RASEF: variants seen among roughly 807,000 people sequenced by gnomAD.
RASEF encodes RAS and EF-hand domain containing.
In RASEF, 68 loss-of-function variants were observed where a neutral mutation model predicts 90.1. The ratio of observed to expected loss-of-function variants is 0.75; its 90% CI spans 0.62 to 0.92. The LOEUF is 0.92. Ranked by LOEUF, RASEF falls within the 40% of genes least tolerant of loss-of-function variation. The pLI is 0.00. For synonymous variants in RASEF, 331 were observed against 345.2 expected (o/e 0.96, Z 0.46); for missense variants, 949 against 937.2 (o/e 1.01, Z -0.16).
intron 2 of RASEF, among the ~76,000 whole-genome samples, chr9:83,023,945 C>T (rs1396432048): frequency 2.6e-5 from 4 of 152,172 alleles, no homozygotes; most frequent in African/African-American, 9.7e-5. Flanking sequence ...GTGCTTGCCC[C>T]AGCAATTTCC....
chr9:83,085,033 C>T, the RASEF span, among the ~76,000 whole-genome samples: 2 of 152,242 alleles, frequency 1.3e-5, no homozygotes, highest in East Asian at 1.9e-4. Context: ...AACCACAAAG[C>T]GGTCCTTTAT....
At chr9:83,145,438 G>A in the RASEF span, among the ~76,000 whole-genome samples, 7 of 151,948 alleles carry the variant, frequency 4.6e-5, no homozygotes, top group South Asian at 4.2e-4. Context: ...TAGCTCAAGA[G>A]ACCTTAGAGC....
the RASEF span, among the ~76,000 whole-genome samples, chr9:83,203,072 A>G: frequency 6.6e-6 from 1 of 152,196 alleles, no homozygotes; most frequent in African/African-American, 2.4e-5. Context: ...TATGGAATCT[A>G]TATATATAGA....
chr9:83,070,782 TTTTC>T, the RASEF span, among the ~76,000 whole-genome samples: 1 of 152,174 alleles, frequency 6.6e-6, no homozygotes, highest in African/African-American at 2.4e-5. Flanking sequence ...CTCTGTTTAA[TTTTC>T]TTTATTTTCT....
At chr9:83,083,952 T>C in the RASEF span, among the ~76,000 whole-genome samples, 1 of 152,174 alleles carries the variant, frequency 6.6e-6, no homozygotes. Context: ...TAGCATGTTA[T>C]TTTTACTAAC....
chr9:83,192,398 C>T, the RASEF span, among the ~76,000 whole-genome samples: 1 of 152,148 alleles, frequency 6.6e-6, no homozygotes, highest in African/African-American at 2.4e-5. Context: ...AGACTATGCC[C>T]TTTGCAAGAA....
chr9:83,029,327 T>C (rs1049076874), intron 1 of RASEF, among the ~76,000 whole-genome samples: 7 of 151,540 alleles, frequency 4.6e-5, no homozygotes, highest in African/African-American at 1.7e-4. Flanking sequence ...ACATTAACTC[T>C]GAAGCTTAGT....
At position 82,980,081 on chromosome 9, in the gene RASEF, T is replaced by A. The variant is rs1157748595; in HGVS notation, c.*2596A>T. The A allele has an allele frequency of 2.0e-5, 3 of 152,272 alleles. No individual in the cohort carries two copies. In the East Asian group the frequency reaches 5.8e-4, roughly 29 times the overall value. The allele number at this position is 152,272 out of a possible 1,614,324, so 9.4% of individuals were successfully genotyped here. A position where few individuals can be genotyped will look rare whatever the true frequency, so the allele number is the denominator to read the frequency against. On this transcript the variant is annotated 3_prime_UTR_variant, in exon 17 of 17. Coordinates refer to ENST00000376447, the MANE Select transcript of RASEF (RefSeq NM_152573.4). ...AAAAATATCTCCTTATCCAACATTA[T>A]TTTCCACAATGAAATTAAAATATTT...
At chr9:83,080,240 G>A in the RASEF span, among the ~76,000 whole-genome samples, 1 of 152,172 alleles carries the variant, frequency 6.6e-6, no homozygotes, top group Non-Finnish European at 1.5e-5. Context: ...TAGAAATGAG[G>A]GGAAGTAGAT....
At chr9:83,057,561 A>G (rs565524854) in intron 1 of RASEF, among the ~76,000 whole-genome samples, 11 of 152,288 alleles carry the variant, frequency 7.2e-5, no homozygotes, top group African/African-American at 2.6e-4. Context: ...CACAGATGTT[A>G]GGATCCCGGT....
chr9:83,199,181 A>AT, the RASEF span, among the ~76,000 whole-genome samples: 1 of 148,548 alleles, frequency 6.7e-6, no homozygotes, highest in Non-Finnish European at 1.5e-5. Context: ...AGAAGGTTAC[A>AT]TTTTTTCTCA....
the RASEF span, among the ~76,000 whole-genome samples, chr9:83,122,211 C>T: frequency 2.0e-5 from 3 of 152,246 alleles, no homozygotes; most frequent in East Asian, 5.8e-4. Flanking sequence ...TGCAAAGGGC[C>T]CCAGCATGGA....
At chr9:83,160,275 A>G in the RASEF span, among the ~76,000 whole-genome samples, 1 of 152,174 alleles carries the variant, frequency 6.6e-6, no homozygotes, top group African/African-American at 2.4e-5. Context: ...GACTTGTTGA[A>G]TGACTTTGAC....
chr9:83,089,631 G>T, the RASEF span, among the ~76,000 whole-genome samples: 1 of 152,088 alleles, frequency 6.6e-6, no homozygotes, highest in African/African-American at 2.4e-5. Flanking sequence ...ATTTTGATAA[G>T]AAATCATTTG....
At chr9:83,066,107 C>G (rs1032725231), upstream of RASEF, among the ~76,000 whole-genome samples, 2 of 152,212 alleles carry the variant, frequency 1.3e-5, no homozygotes, top group African/African-American at 4.8e-5. Context: ...GCTCTGACTA[C>G]ATAGATCAAA....
At chr9:83,070,685 T>C in the RASEF span, among the ~76,000 whole-genome samples, 1 of 152,170 alleles carries the variant, frequency 6.6e-6, no homozygotes, top group South Asian at 2.1e-4. Flanking sequence ...TCTGTAGATA[T>C]CATGATTGTG....
the RASEF span, among the ~76,000 whole-genome samples, chr9:83,073,190 T>G: frequency 6.6e-6 from 1 of 152,134 alleles, no homozygotes; most frequent in East Asian, 1.9e-4. Flanking sequence ...GCTGGTAGGG[T>G]TTGCTTTACC....
chr9:83,158,566 A>G, the RASEF span, among the ~76,000 whole-genome samples: 1 of 148,390 alleles, frequency 6.7e-6, no homozygotes. Context: ...ATATATACAT[A>G]TATGTATATA....
intron 3 of RASEF, among the ~76,000 whole-genome samples, chr9:83,020,743 C>T (rs1018033178): frequency 1.3e-5 from 2 of 152,100 alleles, no homozygotes; most frequent in African/African-American, 4.8e-5. Context: ...TCCCCATTAC[C>T]AGCAACAAAT....
Sources: gnomAD v4.1 joint callset for allele counts (sites outside exome capture counted in the v4.1 genomes callset) on GRCh38, gnomAD v4.1.1 for gene constraint, MANE v1.5 for transcripts, NCBI Gene and HGNC (gene_info 2026-07-23, HGNC 2026-07-21) for gene names.